PTPN12: variants seen among roughly 807,000 people sequenced by gnomAD.
The protein encoded by PTPN12 is tyrosine-protein phosphatase non-receptor type 12.
Under a neutral mutation model 97.6 loss-of-function variants are expected in PTPN12, and 29 were observed. That is an observed-to-expected ratio of 0.30 (90% CI 0.22 to 0.41). The LOEUF (loss-of-function observed/expected upper bound fraction) is 0.41. Among genes scored for constraint, PTPN12 ranks in the 10% least tolerant of loss-of-function variants. The probability of loss-of-function intolerance (pLI) is 1.00; values close to 1 mark genes in which losing one functional copy is unlikely to be tolerated. For synonymous variants in PTPN12, 327 were observed against 300.4 expected (o/e 1.09, Z -0.91); for missense variants, 819 against 926.0 (o/e 0.88, Z 1.50).
intron 1 of PTPN12, among the ~76,000 whole-genome samples, chr7:77,555,218 CTTTTT>C (rs199567759): frequency 7.2e-6 from 1 of 138,468 alleles, no homozygotes; most frequent in African/African-American, 2.6e-5. Context: ...ATTTGTTTAT[CTTTTT>C]TTTTTTTTTG....
intron 1 of PTPN12, among the ~76,000 whole-genome samples, chr7:77,539,838 G>C (rs1258567381): frequency 6.6e-6 from 1 of 152,032 alleles, no homozygotes; most frequent in African/African-American, 2.4e-5. Flanking sequence ...AAGCTACCAC[G>C]CCCTGCTAAT....
chr7:77,562,695 A>G (rs773632549), intron 1 of PTPN12, among the ~76,000 whole-genome samples: 23 of 152,220 alleles, frequency 1.5e-4, no homozygotes, highest in Non-Finnish European at 3.2e-4. Flanking sequence ...TGGGTAAAAG[A>G]AAGTGAGGGC....
intron 1 of PTPN12, among the ~76,000 whole-genome samples, chr7:77,539,229 G>C (rs1806830247): frequency 6.6e-6 from 1 of 152,106 alleles, no homozygotes; most frequent in African/African-American, 2.4e-5. Context: ...TAGCATCGTT[G>C]AGCTTTGTGA....
At chr7:77,556,964 GTTT>G in intron 1 of PTPN12, among the ~76,000 whole-genome samples, 3 of 143,824 alleles carry the variant, frequency 2.1e-5, no homozygotes, top group African/African-American at 7.5e-5. Flanking sequence ...TTGTTTGTTT[GTTT>G]GTTTTTGTTT....
At position 77,618,632 on chromosome 7, in the gene PTPN12, A is replaced by G. The variant is rs375563523; in HGVS notation, c.1025+67A>G. ...TTTCTACTCACTGTTAATTAAAATGACAAATTCTGAATATTTCTAAATTAC... is the reference window on the plus strand; with the variant it reads ...TTTCTACTCACTGTTAATTAAAATGGCAAATTCTGAATATTTCTAAATTAC... On this transcript the variant is annotated intron_variant, in intron 12 of 17. Coordinates refer to ENST00000248594, the MANE Select transcript of PTPN12 (RefSeq NM_002835.4). 2.6e-4 allele frequency: 276 copies of G among 1,068,016 alleles called. 1 individual carries two copies. The Middle Eastern group carries it at 3.1e-3, about 12-fold the overall frequency. The allele number at this position is 1,068,016 out of a possible 1,614,324, so 66.2% of individuals were successfully genotyped here. A position where few individuals can be genotyped will look rare whatever the true frequency, so the allele number is the denominator to read the frequency against.
At chr7:77,544,888 G>C (rs937595984) in intron 1 of PTPN12, among the ~76,000 whole-genome samples, 8 of 152,066 alleles carry the variant, frequency 5.3e-5, no homozygotes, top group African/African-American at 1.7e-4. Context: ...GTGGTCCAAG[G>C]GTTTGTCTTC....
chr7:77,618,855 A>G (rs1788840711), intron 12 of PTPN12, among the ~76,000 whole-genome samples: 2 of 152,254 alleles, frequency 1.3e-5, no homozygotes, highest in South Asian at 2.1e-4. Flanking sequence ...TATTCTAAAG[A>G]TTCCCATTTT....
At position 77,627,634 on chromosome 7, in the gene PTPN12, G is replaced by C. The variant is rs539147199; in HGVS notation, c.1955G>C (p.Arg652Thr). ...AAAGTATTGCCAATGTCCATTGCTA[G>C]ACATAATATAGCAGGAACAACACAT... ...TRKVLPMSIA[R>T]HNIAGTTHSG... The change falls in exon 13 of 18, where the codon AGA becomes ACA. Residue 652 changes from arginine (R) to threonine (T), a missense_variant. By Grantham distance (71) the Arg-to-Thr change is moderately conservative (BLOSUM62 -1). This residue lies in a region of PTPN12 where 607 missense variants were observed against 577.3 expected (regional missense o/e 1.05). Transcript: ENST00000248594. 51 of 1,603,018 alleles carry C rather than the reference G, an allele frequency of 3.2e-5. No individual in the cohort carries two copies. In the South Asian group the frequency reaches 5.5e-4, roughly 17 times the overall value.
At chr7:77,605,409 G>GGTTTTTTT (rs1554321255) in intron 8 of PTPN12, among the ~76,000 whole-genome samples, 5,794 of 95,366 alleles carry the variant, frequency 0.061, 1,284 homozygotes, top group African/African-American at 0.072. Context: ...TTTGTCATGA[G>GGTTTTTTT]TTTTTTTTTT....
At chr7:77,582,112 T>TTTTTTTTTTTTTTTA in intron 3 of PTPN12, among the ~76,000 whole-genome samples, 1 of 102,916 alleles carries the variant, frequency 9.7e-6, no homozygotes, top group African/African-American at 3.7e-5. Flanking sequence ...TTTTTTTTTT[T>TTTTTTTTTTTTTTTA]GAGACGGAGT....
At chr7:77,600,006 T>C (rs554882699) in intron 7 of PTPN12, among the ~76,000 whole-genome samples, 1 of 152,308 alleles carries the variant, frequency 6.6e-6, no homozygotes, top group South Asian at 2.1e-4. Context: ...TAAGCATATA[T>C]TGTATTGGCT....
chr7:77,547,487 G>A lies in PTPN12; in HGVS notation c.99+9842G>A, dbSNP rs556310738. On this transcript the variant is annotated intron_variant, in intron 1 of 17. Coordinates refer to ENST00000248594, the MANE Select transcript of PTPN12 (RefSeq NM_002835.4). ...CCTTAGACTAGTGGAAAGATAAGGA[G>A]TTTAGGAGCTATACAGTCATTAATT... 2.6e-5 allele frequency among the ~76,000 whole-genome samples: 4 copies of A among 152,332 alleles called. No homozygotes were observed. The East Asian group carries it at 7.7e-4, about 29-fold the overall frequency.
chr7:77,582,841 T>G (rs988093664), intron 3 of PTPN12, among the ~76,000 whole-genome samples: 1 of 151,768 alleles, frequency 6.6e-6, no homozygotes, highest in Admixed American at 6.6e-5. Context: ...TATTCAGCAG[T>G]CATGGTTTTA....
chr7:77,607,653 A>C (rs1788419446), intron 9 of PTPN12, among the ~76,000 whole-genome samples: 1 of 152,218 alleles, frequency 6.6e-6, no homozygotes, highest in African/African-American at 2.4e-5. Context: ...GATAGGATGC[A>C]TTGGGGAACA....
intron 12 of PTPN12, among the ~76,000 whole-genome samples, chr7:77,624,823 G>A (rs1342071525): frequency 6.6e-6 from 1 of 151,904 alleles, no homozygotes; most frequent in Non-Finnish European, 1.5e-5. Flanking sequence ...TTGATCACCT[G>A]GGGGGAGAAA....
At chr7:77,589,532 G>A (rs1036002340) in intron 5 of PTPN12, among the ~76,000 whole-genome samples, 1 of 151,866 alleles carries the variant, frequency 6.6e-6, no homozygotes, top group Non-Finnish European at 1.5e-5. Context: ...ATTATCTTTA[G>A]TTTGTAAATA....
intron 6 of PTPN12, among the ~76,000 whole-genome samples, chr7:77,593,582 AAGGC>A (rs1483830035): frequency 6.6e-6 from 1 of 152,210 alleles, no homozygotes; most frequent in African/African-American, 2.4e-5. Context: ...GTTGCAGATG[AAGGC>A]AGCCTGCTGG....
chr7:77,547,175 A>G (rs1161089485), intron 1 of PTPN12, among the ~76,000 whole-genome samples: 3 of 152,102 alleles, frequency 2.0e-5, no homozygotes, highest in East Asian at 3.8e-4. Flanking sequence ...CATGGTCTCT[A>G]TCATTTATCC....
intron 5 of PTPN12, among the ~76,000 whole-genome samples, chr7:77,591,063 C>G (rs958206590): frequency 6.6e-6 from 1 of 152,116 alleles, no homozygotes; most frequent in African/African-American, 2.4e-5. Context: ...TTAATTTAAT[C>G]ATTTTCTGTA....
Sources: gnomAD v4.1 joint callset for allele counts (sites outside exome capture counted in the v4.1 genomes callset) on GRCh38, gnomAD v4.1.1 for gene constraint, gnomAD v4.1.1 regional missense constraint, MANE v1.5 for transcripts, NCBI Gene and HGNC (gene_info 2026-07-23, HGNC 2026-07-21) for gene names.